GPHN: variants seen among roughly 807,000 people sequenced by gnomAD.
GPHN encodes gephyrin.
In GPHN, 17 loss-of-function variants were observed where a neutral mutation model predicts 95.5. That is an observed-to-expected ratio of 0.18 (90% CI 0.12 to 0.27). The LOEUF (loss-of-function observed/expected upper bound fraction) is 0.27. Among genes scored for constraint, GPHN ranks in the 10% least tolerant of loss-of-function variants. GPHN has a pLI of 1.00. For missense variants in GPHN, 660 were observed against 978.1 expected (o/e 0.67, Z 4.34); for synonymous variants, 320 against 322.5 (o/e 0.99, Z 0.08).
chr14:67,380,796 AT>A, the GPHN span: 1 of 1,216,616 alleles, frequency 8.2e-7, no homozygotes, highest in South Asian at 1.7e-5. Flanking sequence ...TTTTTACAGT[AT>A]TTTGCATGCA....
the GPHN span, chr14:67,473,205 A>G: frequency 3.2e-6 from 2 of 624,578 alleles, no homozygotes; most frequent in Non-Finnish European, 5.4e-6. The surrounding 1 kb of genome is among the most constrained non-coding windows in gnomAD (Gnocchi z 6.5). Flanking sequence ...ACCCTTCCCA[A>G]TGTCCCTCTG....
intron 3 of GPHN, among the ~76,000 whole-genome samples, chr14:66,785,404 G>A (rs1289870539): frequency 1.3e-5 from 2 of 151,878 alleles, no homozygotes; most frequent in Admixed American, 6.6e-5. Context: ...AATTTAAAAA[G>A]CATTAGTGGC....
intron 11 of GPHN, among the ~76,000 whole-genome samples, chr14:67,067,455 G>A (rs959914276): frequency 6.6e-5 from 10 of 152,164 alleles, no homozygotes; most frequent in African/African-American, 1.9e-4. Context: ...GAGCTCAAAC[G>A]ACGTGCTGGT....
intron 9 of GPHN, among the ~76,000 whole-genome samples, chr14:67,011,538 C>T (rs541833991): frequency 7.6e-6 from 1 of 130,736 alleles, no homozygotes; most frequent in African/African-American, 3.0e-5. Context: ...GGTACTACTG[C>T]ACTGTAGCCT....
intron 1 of GPHN, among the ~76,000 whole-genome samples, chr14:66,624,368 A>G (rs1246317821): frequency 6.6e-6 from 1 of 152,230 alleles, no homozygotes; most frequent in African/African-American, 2.4e-5. Flanking sequence ...TTCAACTGCT[A>G]GATTTGAGGA....
the GPHN span, among the ~76,000 whole-genome samples, chr14:67,411,009 T>C: frequency 6.6e-6 from 1 of 151,910 alleles, no homozygotes; most frequent in Non-Finnish European, 1.5e-5. Context: ...TAGCTGGGCA[T>C]AGTAGTGGAT....
chr14:67,425,700 C>T, the GPHN span, among the ~76,000 whole-genome samples: 6 of 152,176 alleles, frequency 3.9e-5, no homozygotes, highest in African/African-American at 1.2e-4. Flanking sequence ...GCCCTGCCTC[C>T]CAGGGACCAG....
At chr14:67,508,760 A>AAAAAAAAAAAAAAAAAAAAAAAAAAC in the GPHN span, among the ~76,000 whole-genome samples, 1 of 149,548 alleles carries the variant, frequency 6.7e-6, no homozygotes, top group Non-Finnish European at 1.5e-5. Flanking sequence ...TCTCAAAAAA[A>AAAAAAAAAAAAAAAAAAAAAAAAAAC]AAAAAAAAAA....
At chr14:66,749,400 T>TTTTG (rs1425576955) in intron 2 of GPHN, among the ~76,000 whole-genome samples, 1 of 151,896 alleles carries the variant, frequency 6.6e-6, no homozygotes, top group Admixed American at 6.6e-5. Flanking sequence ...GTGTGTTTAG[T>TTTTG]TTTGTAAGAA....
chr14:67,373,716 T>A, the GPHN span, among the ~76,000 whole-genome samples: 1 of 152,124 alleles, frequency 6.6e-6, no homozygotes. Context: ...TGGGGGGCGC[T>A]GTGGGAAAGA....
intron 4 of GPHN, among the ~76,000 whole-genome samples, chr14:66,829,529 G>T (rs1220798345): frequency 6.6e-6 from 1 of 151,986 alleles, no homozygotes; most frequent in Non-Finnish European, 1.5e-5. Flanking sequence ...TTACTTCAAA[G>T]CAATGTATGT....
At chr14:67,356,713 C>T in the GPHN span, among the ~76,000 whole-genome samples, 1 of 152,246 alleles carries the variant, frequency 6.6e-6, no homozygotes, top group East Asian at 1.9e-4. Flanking sequence ...TTCACTGTAC[C>T]CCAAACATGT....
the GPHN span, among the ~76,000 whole-genome samples, chr14:67,212,447 A>C: frequency 2.0e-5 from 3 of 151,534 alleles, no homozygotes; most frequent in Admixed American, 6.6e-5. Context: ...AAAATTTTGC[A>C]GAGCATGGTG....
At chr14:66,985,713 T>G in intron 9 of GPHN, 1 of 1,531,056 alleles carries the variant, frequency 6.5e-7, no homozygotes, top group Non-Finnish European at 8.7e-7. Context: ...AGCAAAGGAG[T>G]TGCTAGTAGA....
intron 1 of GPHN, among the ~76,000 whole-genome samples, chr14:66,612,899 A>G (rs1595232751): frequency 6.6e-6 from 1 of 152,092 alleles, no homozygotes; most frequent in East Asian, 1.9e-4. Context: ...TTTATTACTT[A>G]GTACTATTCC....
chr14:67,507,198 G>T, the GPHN span, among the ~76,000 whole-genome samples: 8 of 152,078 alleles, frequency 5.3e-5, no homozygotes, highest in East Asian at 9.7e-4. Context: ...AGCTAAATTA[G>T]CCAGGTGCTA....
the GPHN span, chr14:67,692,620 T>G: frequency 6.6e-7 from 1 of 1,523,056 alleles, no homozygotes; most frequent in Non-Finnish European, 8.8e-7. Context: ...GAAAGAGAAA[T>G]GGTCAGCTCT....
At chr14:67,131,671 T>G (rs1421592700) in intron 17 of GPHN, among the ~76,000 whole-genome samples, 1 of 152,188 alleles carries the variant, frequency 6.6e-6, no homozygotes, top group African/African-American at 2.4e-5. Context: ...AAATTCCAAA[T>G]AGATTTAGCA....
the GPHN span, among the ~76,000 whole-genome samples, chr14:67,246,098 A>AT: frequency 6.6e-6 from 1 of 151,570 alleles, no homozygotes; most frequent in African/African-American, 2.4e-5. Context: ...CAATTGATCT[A>AT]TTTTGTCTAT....
Sources: gnomAD v4.1 joint callset for allele counts (sites outside exome capture counted in the v4.1 genomes callset) on GRCh38, gnomAD v4.1.1 for gene constraint, Gnocchi (gnomAD v3.1) non-coding constraint, MANE v1.5 for transcripts, NCBI Gene and HGNC (gene_info 2026-07-23, HGNC 2026-07-21) for gene names.